The following LPIN1 variants were observed in gnomAD, a reference collection of about 807,000 sequenced individuals.
LPIN1 encodes phosphatidate phosphatase LPIN1.
In LPIN1, 71 loss-of-function variants were observed where a neutral mutation model predicts 107.5. The ratio of observed to expected loss-of-function variants is 0.66; its 90% CI spans 0.55 to 0.80. LPIN1 has a LOEUF of 0.80. Ranked by LOEUF, LPIN1 falls within the 30% of genes least tolerant of loss-of-function variation. LPIN1 has a pLI of 0.00. For missense variants in LPIN1, 1,043 were observed against 1,160.6 expected (o/e 0.90, Z 1.47); for synonymous variants, 445 against 452.6 (o/e 0.98, Z 0.21).
intron 1 of LPIN1, among the ~76,000 whole-genome samples, chr2:11,689,903 T>C (rs1228892304): frequency 6.6e-6 from 1 of 152,198 alleles, no homozygotes; most frequent in Non-Finnish European, 1.5e-5. Context: ...AGACTCTGTC[T>C]CAAAAAGAAA....
intron 8 of LPIN1, among the ~76,000 whole-genome samples, chr2:11,782,983 T>C (rs985761908): frequency 1.2e-4 from 19 of 152,226 alleles, no homozygotes; most frequent in Non-Finnish European, 2.4e-4. Context: ...CTGTCTGAGA[T>C]CAAGAGTCTT....
rs1270223656 is a variant in LPIN1, at chr2:11,758,323, A to G, written c.-9-7210A>G. On this transcript the variant is annotated intron_variant, in intron 1 of 20. Transcript: ENST00000674199. ...TGGATCATAAGCTAATTTTATTTTTATTTTTTTGAGGAATTCAGACTATTT... is the reference window on the plus strand; with the variant it reads ...TGGATCATAAGCTAATTTTATTTTTGTTTTTTTGAGGAATTCAGACTATTT... Among the ~76,000 whole-genome samples, 4 of 151,152 alleles carry G rather than the reference A, an allele frequency of 2.6e-5. No homozygotes were observed. The East Asian group carries it at 5.8e-4, about 22-fold the overall frequency.
intron 1 of LPIN1, among the ~76,000 whole-genome samples, chr2:11,725,298 T>A (rs1221118878): frequency 1.3e-5 from 2 of 150,380 alleles, no homozygotes; most frequent in Non-Finnish European, 2.9e-5. Flanking sequence ...CAAACAAACA[T>A]GTGGAATGCT....
intron 18 of LPIN1, chr2:11,818,525 A>G (rs1485430078): frequency 6.6e-6 from 1 of 151,580 alleles, no homozygotes; most frequent in Non-Finnish European, 1.5e-5. Flanking sequence ...TTTTTTTGGT[A>G]CATTGACTTG....
At chr2:11,746,058 T>G (rs954598677), upstream of LPIN1, 4 of 152,462 alleles carry the variant, frequency 2.6e-5, no homozygotes, top group African/African-American at 7.2e-5. Context: ...GTTCCGCACC[T>G]GGACCACCGC....
In LPIN1 at chr2:11,707,689, C is replaced by T. The variant is rs946334643; in HGVS notation, c.82-6067C>T. Among the ~76,000 whole-genome samples the T allele has an allele frequency of 3.3e-5, 5 of 152,118 alleles. No homozygotes were observed. Among genetic ancestry groups the T allele is most frequent in the African/African-American group, 1.2e-4 (5 of 41,430 alleles). On this transcript the variant is annotated intron_variant, in intron 1 of 21. Transcript: ENST00000449576. This position sits in a 1 kb window ranked among gnomAD's most constrained non-coding sequence, Gnocchi z 4.2. ...GGGTCCCCCACTGGAGGTGGAGCTGCAGGATTTGCTTGTGACTGGATGTGG... is the reference window on the plus strand; with the variant it reads ...GGGTCCCCCACTGGAGGTGGAGCTGTAGGATTTGCTTGTGACTGGATGTGG...
intron 18 of LPIN1, 112 bp downstream of exon 18, chr2:11,815,352 C>T: frequency 1.5e-6 from 2 of 1,290,786 alleles, no homozygotes; most frequent in Non-Finnish European, 2.2e-6. Context: ...CCCCAATATC[C>T]ATGCTCCATA....
intron 2 of LPIN1, among the ~76,000 whole-genome samples, chr2:11,715,736 G>T (rs191829382): frequency 6.6e-6 from 1 of 152,122 alleles, no homozygotes; most frequent in Non-Finnish European, 1.5e-5. Flanking sequence ...ATACCAGTTG[G>T]CCAAGCACAG....
In LPIN1 at chr2:11,826,988, A is replaced by T. The variant is rs1298723774; in HGVS notation, c.*2197A>T. The T allele has an allele frequency of 1.3e-5, 2 of 152,666 alleles. No individual in the cohort carries two copies. Among genetic ancestry groups the T allele is most frequent in the African/African-American group, 4.8e-5 (2 of 41,458 alleles). 9.5% of individuals were successfully genotyped at this position (152,666 alleles called of 1,614,324 possible). A position where few individuals can be genotyped will look rare whatever the true frequency, so the allele number is the denominator to read the frequency against. On this transcript the variant is annotated 3_prime_UTR_variant, in exon 21 of 21. Coordinates refer to ENST00000674199, the MANE Select transcript of LPIN1 (RefSeq NM_001349206.2). ...AAAGTGAGATTTGTATATGGGCTGC[A>T]CTCACGCATATACGAGTTGGTTTAT...
At chr2:11,733,876 T>C (rs1011917190) in intron 1 of LPIN1, among the ~76,000 whole-genome samples, 18 of 152,190 alleles carry the variant, frequency 1.2e-4, no homozygotes, top group Non-Finnish European at 8.8e-5. Flanking sequence ...CCAAGTTCCA[T>C]TGTACAAAAA....
At chr2:11,709,579 A>T (rs142301602) in intron 1 of LPIN1, among the ~76,000 whole-genome samples, 11 of 152,294 alleles carry the variant, frequency 7.2e-5, no homozygotes, top group African/African-American at 2.4e-4. Flanking sequence ...TTAGGTCCCG[A>T]GTTATATGCT....
chr2:11,692,807 A>T (rs537233547), intron 1 of LPIN1, among the ~76,000 whole-genome samples: 114 of 152,274 alleles, frequency 7.5e-4, no homozygotes, highest in African/African-American at 2.5e-3. Context: ...CTTACCTCAA[A>T]GTTTTCATTT....
Position 11,802,789 on chromosome 2 carries a change from C to G in LPIN1, c.1887-118C>G, listed in dbSNP as rs190752813. On this transcript the variant is annotated intron_variant, in intron 14 of 20. Transcript: ENST00000674199. ...TAACGTCTTATGGTAAATGACCACCCGAGAGACGGGACTCAGGAGAGACTG... is the reference window on the plus strand; with the variant it reads ...TAACGTCTTATGGTAAATGACCACCGGAGAGACGGGACTCAGGAGAGACTG... The G allele has an allele frequency of 4.1e-6, 5 of 1,211,196 alleles. No homozygotes were observed. The East Asian group carries it at 1.2e-4, about 28-fold the overall frequency. 75.0% of individuals were successfully genotyped at this position (1,211,196 alleles called of 1,614,324 possible). A position where few individuals can be genotyped will look rare whatever the true frequency, so the allele number is the denominator to read the frequency against.
chr2:11,761,605 C>T (rs1373934334), intron 1 of LPIN1, among the ~76,000 whole-genome samples: 5 of 152,094 alleles, frequency 3.3e-5, no homozygotes, highest in African/African-American at 1.2e-4. Flanking sequence ...ACTTCTGGTT[C>T]TCTGGCCTGT....
intron 1 of LPIN1, among the ~76,000 whole-genome samples, chr2:11,690,717 G>C (rs1662226926): frequency 6.6e-6 from 1 of 151,822 alleles, no homozygotes; most frequent in Admixed American, 6.6e-5. Context: ...TCTCTTTTAT[G>C]TTTCCTGTTA....
chr2:11,699,440 G>C (rs561473367), intron 1 of LPIN1, among the ~76,000 whole-genome samples: 116 of 152,164 alleles, frequency 7.6e-4, no homozygotes, highest in African/African-American at 2.7e-3. Context: ...GGAGTCCCTG[G>C]GGGGGGCGTG....
intron 2 of LPIN1, among the ~76,000 whole-genome samples, chr2:11,719,086 T>C (rs1057188066): frequency 8.5e-5 from 13 of 152,256 alleles, no homozygotes; most frequent in African/African-American, 3.1e-4. Flanking sequence ...ATTTCTTCTT[T>C]ACAGCATTAT....
intron 1 of LPIN1, among the ~76,000 whole-genome samples, chr2:11,678,711 C>T (rs775012506): frequency 1.1e-4 from 17 of 152,210 alleles, no homozygotes; most frequent in South Asian, 2.1e-4. Flanking sequence ...GGTGTCCAGG[C>T]GGCAATGCAG....
At chr2:11,693,766 A>ATG in intron 1 of LPIN1, among the ~76,000 whole-genome samples, 1 of 128,024 alleles carries the variant, frequency 7.8e-6, no homozygotes, top group Non-Finnish European at 1.6e-5. Flanking sequence ...GGCAAGAGCC[A>ATG]TATATGTGTG....
Sources: allele counts gnomAD v4.1 joint callset (sites outside exome capture counted in the v4.1 genomes callset), GRCh38; gene constraint gnomAD v4.1.1; non-coding constraint Gnocchi (gnomAD v3.1); transcripts MANE v1.5; gene names NCBI Gene and HGNC (gene_info 2026-07-23, HGNC 2026-07-21).